Variants in PDE11A observed in about 807,000 individuals in gnomAD.
The protein encoded by PDE11A is phosphodiesterase 11A, also known as dual 3',5'-cyclic-AMP and -GMP phosphodiesterase 11A.
In PDE11A, 100 loss-of-function variants were observed where a neutral mutation model predicts 100.5. The observed-to-expected ratio is 1.00, with a 90% CI of 0.85 to 1.18. PDE11A has a LOEUF of 1.18. Ranked by LOEUF, PDE11A falls within the 50% of genes most tolerant of loss-of-function variation. PDE11A has a pLI of 0.00. For missense variants in PDE11A, 1,141 were observed against 1,152.6 expected, an observed-to-expected ratio of 0.99 and a Z score of 0.15; for synonymous variants, 381 against 420.8, an observed-to-expected ratio of 0.91 and a Z score of 1.16.
intron 3 of PDE11A, among the ~76,000 whole-genome samples, chr2:177,901,165 G>A (rs1311758071): frequency 6.6e-6 from 1 of 152,110 alleles, no homozygotes; most frequent in African/African-American, 2.4e-5. Context: ...TCAGATCAGT[G>A]CTTGAGATAT....
chr2:178,010,582 C>A (rs559361033), intron 2 of PDE11A, among the ~76,000 whole-genome samples: 1 of 152,100 alleles, frequency 6.6e-6, no homozygotes, highest in South Asian at 2.1e-4. Flanking sequence ...GGAAATAACA[C>A]CAAAGAAAAA....
At chr2:177,769,588 T>C (rs77892809) in intron 9 of PDE11A, among the ~76,000 whole-genome samples, 2,752 of 152,238 alleles carry the variant, frequency 0.018, 39 homozygotes, top group South Asian at 0.033. Context: ...TGGGTAGTTA[T>C]GTCATCAAAA....
intron 2 of PDE11A, among the ~76,000 whole-genome samples, chr2:177,995,238 TTGTC>T (rs975993014): frequency 7.2e-5 from 11 of 152,182 alleles, no homozygotes; most frequent in African/African-American, 2.4e-4. Flanking sequence ...TTATATTCCT[TTGTC>T]TGTTCAGATT....
intron 2 of PDE11A, among the ~76,000 whole-genome samples, chr2:178,004,862 A>G (rs1351836762): frequency 6.6e-6 from 1 of 152,176 alleles, no homozygotes; most frequent in Non-Finnish European, 1.5e-5. Flanking sequence ...ATTATCATCC[A>G]GTCTCTTAAC....
intron 10 of PDE11A, among the ~76,000 whole-genome samples, chr2:177,768,078 C>A (rs928099808): frequency 1.3e-5 from 2 of 152,298 alleles, no homozygotes; most frequent in East Asian, 1.9e-4. Context: ...CAATAATAGA[C>A]CCTATCCTTG....
chr2:177,731,426 C>G (rs2081688017), intron 10 of PDE11A, among the ~76,000 whole-genome samples: 1 of 152,160 alleles, frequency 6.6e-6, no homozygotes, highest in Admixed American at 6.5e-5. Context: ...TACTCTTTAG[C>G]TACTCAGAAT....
At chr2:177,870,953 T>A (rs957245733) in intron 5 of PDE11A, among the ~76,000 whole-genome samples, 20 of 152,356 alleles carry the variant, frequency 1.3e-4, no homozygotes, top group African/African-American at 4.8e-4. Context: ...TTAGTTCTAA[T>A]TCCTTATTGT....
intron 19 of PDE11A, among the ~76,000 whole-genome samples, chr2:177,634,947 A>C (rs2080016744): frequency 6.6e-6 from 1 of 152,122 alleles, no homozygotes; most frequent in Non-Finnish European, 1.5e-5. Flanking sequence ...GGGGAAACTT[A>C]GCACCCATCT....
intron 1 of PDE11A, among the ~76,000 whole-genome samples, chr2:178,053,088 T>C (rs1298257424): frequency 1.3e-5 from 2 of 152,204 alleles, no homozygotes; most frequent in Non-Finnish European, 2.9e-5. Context: ...CCAATATCCC[T>C]GGTGAACATC....
intron 19 of PDE11A, among the ~76,000 whole-genome samples, chr2:177,661,841 T>A: frequency 6.6e-6 from 1 of 152,212 alleles, no homozygotes; most frequent in East Asian, 1.9e-4. Context: ...AATAAAAAAA[T>A]GGTGCAAGAA....
At chr2:177,785,596 G>A (rs1014789373) in intron 9 of PDE11A, among the ~76,000 whole-genome samples, 9 of 152,208 alleles carry the variant, frequency 5.9e-5, no homozygotes, top group South Asian at 2.1e-4. Context: ...TGCCTCACTC[G>A]GGAAGCACAA....
intron 19 of PDE11A, among the ~76,000 whole-genome samples, chr2:177,653,441 C>T (rs1390310268): frequency 6.6e-6 from 1 of 152,160 alleles, no homozygotes; most frequent in African/African-American, 2.4e-5. Flanking sequence ...ACCTCTCTGT[C>T]GTGAGTTGAC....
intron 1 of PDE11A, among the ~76,000 whole-genome samples, chr2:178,069,287 A>G (rs1037847574): frequency 6.6e-5 from 10 of 152,302 alleles, no homozygotes; most frequent in South Asian, 2.1e-4. Context: ...AGATTAAGAA[A>G]TTCTCCAAGG....
intron 1 of PDE11A, among the ~76,000 whole-genome samples, chr2:178,039,422 A>T (rs540694339): frequency 1.3e-4 from 20 of 152,242 alleles, no homozygotes; most frequent in Non-Finnish European, 1.8e-4. Flanking sequence ...AAAAATAAAT[A>T]TTGGGTACCA....
intron 2 of PDE11A, among the ~76,000 whole-genome samples, chr2:177,910,519 C>A (rs1042201659): frequency 2.0e-5 from 3 of 151,724 alleles, no homozygotes; most frequent in East Asian, 1.9e-4. Context: ...TCCAAAAAAA[C>A]CAACTAATTT....
intron 12 of PDE11A, among the ~76,000 whole-genome samples, chr2:177,724,784 A>C (rs1156883770): frequency 6.6e-6 from 1 of 150,942 alleles, no homozygotes; most frequent in Non-Finnish European, 1.5e-5. Flanking sequence ...GAAAAGAAGC[A>C]CTTTCAAGGA....
intron 9 of PDE11A, among the ~76,000 whole-genome samples, chr2:177,812,670 C>T (rs1336414406): frequency 1.3e-5 from 2 of 152,092 alleles, no homozygotes; most frequent in Non-Finnish European, 1.5e-5. Context: ...CCACCCAAAA[C>T]ATGCATCCTA....
chr2:177,690,905 A>T (rs7596360), intron 15 of PDE11A, among the ~76,000 whole-genome samples: 121,339 of 152,242 alleles, frequency 0.8, 48,523 homozygotes, highest in Admixed American at 0.85. Context: ...CTCAACCTCT[A>T]TAAGCCCAGT....
At chr2:178,081,256 G>A (rs571722176) in intron 2 of PDE11A, among the ~76,000 whole-genome samples, 3 of 152,230 alleles carry the variant, frequency 2.0e-5, no homozygotes, top group South Asian at 4.2e-4. Context: ...TCTCACTTGT[G>A]TATAAATACA....
Sources: gnomAD v4.1 joint callset for allele counts (sites outside exome capture counted in the v4.1 genomes callset) on GRCh38, gnomAD v4.1.1 for gene constraint, MANE v1.5 for transcripts, NCBI Gene and HGNC (gene_info 2026-07-23, HGNC 2026-07-21) for gene names.